Variants in PAK1 observed in about 807,000 individuals in gnomAD.
The protein encoded by PAK1 is p21 (RAC1) activated kinase 1.
In PAK1, 29 loss-of-function variants were observed where a neutral mutation model predicts 67.4. The ratio of observed to expected loss-of-function variants is 0.43; its 90% confidence interval spans 0.32 to 0.59. The LOEUF is 0.59. Ranked by LOEUF, PAK1 falls within the 20% of genes least tolerant of loss-of-function variation. The probability of loss-of-function intolerance (pLI) is 0.07; values close to 1 mark genes in which losing one functional copy is unlikely to be tolerated. For missense variants in PAK1, 337 were observed against 670.7 expected, an observed-to-expected ratio of 0.50 and a Z score of 5.50; for synonymous variants, 223 against 237.4, an observed-to-expected ratio of 0.94 and a Z score of 0.56.
Position 77,473,736 on chromosome 11 carries a change from T to C in PAK1, c.-206A>G, listed in dbSNP as rs1210433687. ...AGGGGAACTGCGAGGGAAGGGATGATGGGGGGGCGGGAGGGAGCGAGGCGA... is the reference window on the plus strand; with the variant it reads ...AGGGGAACTGCGAGGGAAGGGATGACGGGGGGGCGGGAGGGAGCGAGGCGA... On this transcript the variant is annotated 5_prime_UTR_variant, in exon 1 of 15. Coordinates refer to ENST00000356341, the MANE Select transcript of PAK1 (RefSeq NM_002576.5). The C allele has an allele frequency of 8.3e-5, 1 of 12,026 alleles. No individual in the cohort carries two copies. Among genetic ancestry groups the C allele is most frequent in the Non-Finnish European group, 1.9e-4 (1 of 5,304 alleles). 0.7% of individuals were successfully genotyped at this position (12,026 alleles called of 1,614,324 possible).
the PAK1 span, among the ~76,000 whole-genome samples, chr11:77,493,399 C>A: frequency 6.6e-6 from 1 of 150,616 alleles, no homozygotes; most frequent in East Asian, 1.9e-4. Flanking sequence ...GTACCTCAGC[C>A]TCCCGAGTAG....
chr11:77,477,144 C>T (rs1195195322), upstream of PAK1: 1 of 152,290 alleles, frequency 6.6e-6, no homozygotes, highest in African/African-American at 2.4e-5. Flanking sequence ...AACTGTCCAC[C>T]AAAGCTGCAG....
chr11:77,433,386 G>T (rs532090335), intron 1 of PAK1, among the ~76,000 whole-genome samples: 37 of 152,072 alleles, frequency 2.4e-4, no homozygotes, highest in Non-Finnish European at 4.0e-4. Context: ...ATGTCATCAA[G>T]AAAGCAAAAA....
At chr11:77,419,788 A>AT (rs2138169156) in intron 1 of PAK1, among the ~76,000 whole-genome samples, 1 of 152,274 alleles carries the variant, frequency 6.6e-6, no homozygotes, top group South Asian at 2.1e-4. Flanking sequence ...CTGAGATGAA[A>AT]TTTTTTCTTG....
At chr11:77,508,845 A>G in the PAK1 span, among the ~76,000 whole-genome samples, 1 of 150,208 alleles carries the variant, frequency 6.7e-6, no homozygotes, top group Non-Finnish European at 1.5e-5. Flanking sequence ...TATTTTTAGT[A>G]GAGATGGGGT....
intron 1 of PAK1, among the ~76,000 whole-genome samples, chr11:77,393,987 A>G (rs563001782): frequency 1.3e-5 from 2 of 152,178 alleles, no homozygotes; most frequent in Non-Finnish European, 2.9e-5. Flanking sequence ...TGGGTGACAG[A>G]GGGAGACTCT....
rs1433925149 is a variant in PAK1 at position 77,358,943 on chromosome 11, A to G, written c.552T>C (p.Ala184=). ...GTGGAGCAATCACTGGTGGTGGGGT[A>G]GCATCATCATCATCATCATCCTCAT... The part of the protein sequence containing the change: ...SEDEDDDDDD[A]TPPPVIAPRP... The change falls in exon 6 of 15, where the codon GCT becomes GCC. Residue 184 remains alanine, a synonymous_variant. Coordinates refer to ENST00000356341, the MANE Select transcript of PAK1 (RefSeq NM_002576.5). The G allele has an allele frequency of 6.2e-7, 1 of 1,613,612 alleles. No individual in the cohort carries two copies. The highest frequency in any genetic ancestry group is 1.1e-5 in the South Asian group (1 of 91,052).
At chr11:77,426,925 G>C (rs970257195) in intron 1 of PAK1, among the ~76,000 whole-genome samples, 3 of 151,790 alleles carry the variant, frequency 2.0e-5, no homozygotes, top group African/African-American at 7.3e-5. Context: ...TTCAATCTCA[G>C]GGTAGAAAAG....
At chr11:77,414,536 T>C (rs920500097) in intron 1 of PAK1, among the ~76,000 whole-genome samples, 1 of 152,260 alleles carries the variant, frequency 6.6e-6, no homozygotes, top group African/African-American at 2.4e-5. Flanking sequence ...GACAATGTGA[T>C]ATTAATGAAA....
chr11:77,500,240 G>A, the PAK1 span, among the ~76,000 whole-genome samples: 1 of 151,806 alleles, frequency 6.6e-6, no homozygotes, highest in Admixed American at 6.6e-5. Context: ...AGGCCGAGGT[G>A]GGCGGATCAC....
chr11:77,326,117 G>T (rs1454493815), intron 14 of PAK1, among the ~76,000 whole-genome samples: 1 of 152,098 alleles, frequency 6.6e-6, no homozygotes, highest in African/African-American at 2.4e-5. Flanking sequence ...TCACTAGTGG[G>T]CAATACAATA....
intron 1 of PAK1, among the ~76,000 whole-genome samples, chr11:77,415,418 CAG>C (rs2138110477): frequency 6.6e-6 from 1 of 152,282 alleles, no homozygotes; most frequent in East Asian, 1.9e-4. Context: ...GCGAACATCA[CAG>C]AGTGTACACA....
At chr11:77,377,980 C>G (rs1159038234) in intron 4 of PAK1, among the ~76,000 whole-genome samples, 5 of 152,162 alleles carry the variant, frequency 3.3e-5, no homozygotes. Flanking sequence ...CTCCTGGGCA[C>G]CACCATAGCA....
At chr11:77,467,745 T>C (rs1053364534) in intron 1 of PAK1, among the ~76,000 whole-genome samples, 2 of 152,234 alleles carry the variant, frequency 1.3e-5, no homozygotes, top group African/African-American at 2.4e-5. Flanking sequence ...ACAATTCACT[T>C]TTACATATAT....
chr11:77,435,595 G>T (rs1292723903), intron 1 of PAK1, among the ~76,000 whole-genome samples: 1 of 142,290 alleles, frequency 7.0e-6, no homozygotes, highest in East Asian at 2.1e-4. Flanking sequence ...CCGGGTTCAC[G>T]CCATTCTCTT....
chr11:77,381,672 A>G (rs574041049), intron 2 of PAK1, among the ~76,000 whole-genome samples: 1 of 152,346 alleles, frequency 6.6e-6, no homozygotes, highest in South Asian at 2.1e-4. Flanking sequence ...AGATATTACT[A>G]CCGTCATTCT....
chr11:77,494,084 A>G, the PAK1 span, among the ~76,000 whole-genome samples: 1 of 152,212 alleles, frequency 6.6e-6, no homozygotes, highest in Non-Finnish European at 1.5e-5. Context: ...AATATTTTTA[A>G]AAACATGCAT....
chr11:77,346,713 A>C (rs514191), intron 9 of PAK1, among the ~76,000 whole-genome samples: 106,591 of 151,996 alleles, frequency 0.7, 38,234 homozygotes, highest in African/African-American at 0.85. Flanking sequence ...GTGCTAGATG[A>C]CGTACTTATA....
chr11:77,435,035 AT>A (rs1411719312), intron 1 of PAK1, among the ~76,000 whole-genome samples: 1 of 151,768 alleles, frequency 6.6e-6, no homozygotes, highest in Non-Finnish European at 1.5e-5. Context: ...AAGTGCTGGA[AT>A]TACAGGCATG....
Sources: allele counts gnomAD v4.1 joint callset (sites outside exome capture counted in the v4.1 genomes callset), GRCh38; gene constraint gnomAD v4.1.1; transcripts MANE v1.5; gene names NCBI Gene and HGNC (gene_info 2026-07-23, HGNC 2026-07-21).